The following METTL15 variants were observed in gnomAD, a reference collection of about 807,000 sequenced individuals.
METTL15 encodes methyltransferase 15, mitochondrial 12S rRNA N4-cytidine, also known as 12S rRNA N(4)-cytidine methyltransferase METTL15.
Under a neutral mutation model 38.3 loss-of-function variants are expected in METTL15, and 34 were observed. That is an observed-to-expected ratio of 0.89 (90% CI 0.68 to 1.18). METTL15 has a LOEUF of 1.18. METTL15 is among the 50% of genes most tolerant of loss of function. METTL15 has a pLI of 0.00. For synonymous variants in METTL15, 162 were observed against 170.9 expected, an observed-to-expected ratio of 0.95 and a Z score of 0.41; for missense variants, 438 against 498.4, an observed-to-expected ratio of 0.88 and a Z score of 1.15.
At chr11:28,521,064 T>C (rs1851761100) in intron 6 of METTL15, among the ~76,000 whole-genome samples, 1 of 152,210 alleles carries the variant, frequency 6.6e-6, no homozygotes, top group South Asian at 2.1e-4. Context: ...TATGCAGTGA[T>C]GCATGTTCCA....
At chr11:28,373,105 G>A (rs1850263929) in intron 5 of METTL15, among the ~76,000 whole-genome samples, 1 of 152,152 alleles carries the variant, frequency 6.6e-6, no homozygotes, top group Non-Finnish European at 1.5e-5. Flanking sequence ...CCTTATAGCA[G>A]CATGATTTAT....
chr11:28,384,060 A>G (rs992543421), intron 5 of METTL15, among the ~76,000 whole-genome samples: 1 of 151,970 alleles, frequency 6.6e-6, no homozygotes, highest in African/African-American at 2.4e-5. Context: ...AACATGTGTT[A>G]TTTAGTTTTC....
chr11:28,143,793 G>A (rs1445970307), intron 3 of METTL15, among the ~76,000 whole-genome samples: 1 of 152,136 alleles, frequency 6.6e-6, no homozygotes, highest in Non-Finnish European at 1.5e-5. Flanking sequence ...CTTGAGAAAA[G>A]ATATCTTGAT....
chr11:28,294,320 G>A (rs953587315), intron 5 of METTL15, among the ~76,000 whole-genome samples: 4 of 152,162 alleles, frequency 2.6e-5, no homozygotes, highest in Admixed American at 2.6e-4. Flanking sequence ...AATCCAAGTG[G>A]TATATGTTTG....
intron 5 of METTL15, among the ~76,000 whole-genome samples, chr11:28,386,091 AAAAT>A (rs1850437734): frequency 1.3e-5 from 2 of 152,096 alleles, no homozygotes; most frequent in South Asian, 4.1e-4. Flanking sequence ...TGGTGACCAC[AAAAT>A]AAATACCTAT....
chr11:28,344,322 G>A (rs1427307672), intron 3 of METTL15, among the ~76,000 whole-genome samples: 1 of 152,098 alleles, frequency 6.6e-6, no homozygotes, highest in Non-Finnish European at 1.5e-5. Flanking sequence ...GTCTGAATGA[G>A]CCATATCTTC....
chr11:28,220,892 C>T (rs1190350741), intron 4 of METTL15, among the ~76,000 whole-genome samples: 1 of 152,190 alleles, frequency 6.6e-6, no homozygotes, highest in East Asian at 1.9e-4. Flanking sequence ...TATTGGCCCC[C>T]ACTCTCTTCT....
At position 28,267,456 on chromosome 11, in the gene METTL15, T is replaced by C. The variant is rs535148856; in HGVS notation, c.408-22750T>C. ...ATTAAAATCATAATTCCAGCACTACTGATCTCACTCTTCTCTACTTTATGT... is the reference window on the plus strand; with the variant it reads ...ATTAAAATCATAATTCCAGCACTACCGATCTCACTCTTCTCTACTTTATGT... On this transcript the variant is annotated intron_variant, in intron 4 of 6. Coordinates refer to ENST00000407364, the MANE Select transcript of METTL15 (RefSeq NM_001113528.2). Among the ~76,000 whole-genome samples, 3 of 152,336 alleles carry C rather than the reference T, an allele frequency of 2.0e-5. No homozygotes were observed. In the East Asian group the frequency reaches 5.8e-4, roughly 29 times the overall value.
At chr11:28,477,602 C>T (rs1427548111) in intron 6 of METTL15, 1 of 152,148 alleles carries the variant, frequency 6.6e-6, no homozygotes. Flanking sequence ...CATTTCCTAC[C>T]TCATCCAATA....
At chr11:28,263,127 C>G (rs1028528072) in intron 4 of METTL15, among the ~76,000 whole-genome samples, 16 of 151,954 alleles carry the variant, frequency 1.1e-4, no homozygotes, top group African/African-American at 3.9e-4. Flanking sequence ...CCGAACTGAA[C>G]AGTATGTTCA....
intron 5 of METTL15, among the ~76,000 whole-genome samples, chr11:28,417,808 ACTAT>A (rs916154905): frequency 6.4e-4 from 97 of 152,234 alleles, no homozygotes; most frequent in Non-Finnish European, 1.0e-3. Context: ...TCAAATGTCA[ACTAT>A]CTATCTGGAA....
At chr11:28,492,146 A>G (rs1049496053) in intron 6 of METTL15, among the ~76,000 whole-genome samples, 1 of 152,162 alleles carries the variant, frequency 6.6e-6, no homozygotes, top group African/African-American at 2.4e-5. Flanking sequence ...CAGAGAAGCA[A>G]TTCTATATGC....
Position 28,274,900 on chromosome 11 carries a change from C to T in METTL15, c.408-15306C>T, listed in dbSNP as rs372526357. Among the ~76,000 whole-genome samples, 89 of 151,566 alleles carry T rather than the reference C, an allele frequency of 5.9e-4. No homozygotes were observed. The South Asian group carries it at 0.018, about 31-fold the overall frequency. On this transcript the variant is annotated intron_variant, in intron 4 of 6. Transcript: ENST00000407364. ...TGTATATATATGTAACAAACCTGCA[C>T]GTTGTGCACATGTACCCTAGAACTT...
chr11:28,165,747 CTTTTCCCATATG>C (rs1283242378), intron 3 of METTL15, among the ~76,000 whole-genome samples: 1 of 151,870 alleles, frequency 6.6e-6, no homozygotes, highest in African/African-American at 2.4e-5. Flanking sequence ...TGTCGTGGAG[CTTTTCCCATATG>C]TTTTCTTCTA....
At chr11:28,246,865 C>A (rs780583918) in intron 4 of METTL15, among the ~76,000 whole-genome samples, 3 of 152,018 alleles carry the variant, frequency 2.0e-5, no homozygotes, top group Non-Finnish European at 4.4e-5. Flanking sequence ...TGACATGTGG[C>A]TCATATGACT....
At chr11:28,511,118 T>C (rs1851670296) in intron 6 of METTL15, among the ~76,000 whole-genome samples, 1 of 152,166 alleles carries the variant, frequency 6.6e-6, no homozygotes, top group Admixed American at 6.5e-5. Flanking sequence ...ATGTACGCAC[T>C]CATATACACA....
chr11:28,482,876 T>C (rs1264204697), intron 6 of METTL15, among the ~76,000 whole-genome samples: 2 of 152,110 alleles, frequency 1.3e-5, no homozygotes, highest in Admixed American at 6.6e-5. Context: ...TTCAGAGAGC[T>C]CTCATCAATG....
rs1365416366 is a variant in METTL15, at chr11:28,244,894, C to CT, written c.407+33701dup. 2.0e-5 allele frequency among the ~76,000 whole-genome samples: 3 copies of CT among 152,188 alleles called. No homozygotes were observed. In the East Asian group the frequency reaches 5.8e-4, roughly 29 times the overall value. ...TTAGTAGAGATATCCTGTCTTTTCT[C>CT]TTTTTCCTTTCTTCTGATATTTTGG... On this transcript the variant is annotated intron_variant, in intron 4 of 6. Coordinates refer to ENST00000407364, the MANE Select transcript of METTL15 (RefSeq NM_001113528.2).
At chr11:28,131,702 A>G (rs1565113691) in intron 3 of METTL15, among the ~76,000 whole-genome samples, 1 of 152,192 alleles carries the variant, frequency 6.6e-6, no homozygotes, top group Admixed American at 6.5e-5. Context: ...TGATCATTGC[A>G]GTTTTATCTT....
Sources: allele counts gnomAD v4.1 joint callset (sites outside exome capture counted in the v4.1 genomes callset), GRCh38; gene constraint gnomAD v4.1.1; transcripts MANE v1.5; gene names NCBI Gene and HGNC (gene_info 2026-07-23, HGNC 2026-07-21).